The following PRSS3 variants were observed in gnomAD, a reference collection of about 807,000 sequenced individuals.
PRSS3 encodes the protein serine protease 3.
In PRSS3, 14 loss-of-function variants were observed where a neutral mutation model predicts 20.8. The ratio of observed to expected loss-of-function variants is 0.67; its 90% CI spans 0.44 to 1.05. The LOEUF (loss-of-function observed/expected upper bound fraction) is 1.05, where lower values mean the gene tolerates loss of function less well. Ranked by LOEUF, PRSS3 falls within the 50% of genes least tolerant of loss-of-function variation. PRSS3 has a pLI of 0.00. For synonymous variants in PRSS3, 91 were observed against 117.6 expected (o/e 0.77, Z 1.46); for missense variants, 237 against 306.4 (o/e 0.77, Z 1.69).
At chr9:33,771,584 C>T (rs1823693529) in intron 1 of PRSS3, among the ~76,000 whole-genome samples, 1 of 151,296 alleles carries the variant, frequency 6.6e-6, no homozygotes, top group Non-Finnish European at 1.5e-5. Flanking sequence ...GCCTCAGCCT[C>T]CCAAAGTGCT....
At chr9:33,785,733 G>A (rs142365708) in intron 1 of PRSS3, among the ~76,000 whole-genome samples, 3 of 152,188 alleles carry the variant, frequency 2.0e-5, no homozygotes, top group Admixed American at 6.5e-5. Flanking sequence ...CAAGGATGCC[G>A]TTTGTTGGGA....
chr9:33,755,425 A>C (rs1477164668), intron 1 of PRSS3, among the ~76,000 whole-genome samples: 2 of 152,108 alleles, frequency 1.3e-5, no homozygotes, highest in Admixed American at 6.6e-5. Flanking sequence ...ATAGCATGCA[A>C]ATACGGGCCA....
At chr9:33,778,619 G>A (rs566731691) in intron 1 of PRSS3, among the ~76,000 whole-genome samples, 1 of 152,124 alleles carries the variant, frequency 6.6e-6, no homozygotes, top group Non-Finnish European at 1.5e-5. Flanking sequence ...CAAAAGGCAT[G>A]CAAGACTTGT....
chr9:33,752,497 G>A lies in PRSS3; in HGVS notation c.-53+1770G>A, dbSNP rs147265154. Among the ~76,000 whole-genome samples the A allele has an allele frequency of 3.6e-3, 542 of 152,280 alleles. 4 individuals carry two copies. Among genetic ancestry groups the A allele is most frequent in the African/African-American group, 0.013 (521 of 41,546 alleles). On this transcript the variant is annotated intron_variant, in intron 1 of 5. Transcript: ENST00000342836. ...ATTAAAGTCACTAGTGTGTCAACTA[G>A]TGGTACTTATAGACACATTCCATAT...
Position 33,798,296 on chromosome 9 carries a change from A to T in PRSS3, c.455-190A>T. 3.2e-6 allele frequency: 4 copies of T among 1,246,810 alleles called. No individual in the cohort carries two copies. The South Asian group carries it at 4.4e-5, about 14-fold the overall frequency. 77.2% of individuals were successfully genotyped at this position (1,246,810 alleles called of 1,614,324 possible). On this transcript the variant is annotated intron_variant, in intron 3 of 4. Coordinates refer to ENST00000379405, the MANE Select transcript of PRSS3 (RefSeq NM_002771.4). ...TAGGACAAATGGAGAACTTGCTGTGATCACGTCTTGGGAGGGGTTCAACAA... is the reference window on the plus strand; with the variant it reads ...TAGGACAAATGGAGAACTTGCTGTGTTCACGTCTTGGGAGGGGTTCAACAA...
At chr9:33,755,564 G>A (rs533922323) in intron 1 of PRSS3, among the ~76,000 whole-genome samples, 3 of 152,022 alleles carry the variant, frequency 2.0e-5, no homozygotes, top group East Asian at 1.9e-4. Flanking sequence ...TTCCCAATAC[G>A]GTTATATCCT....
At chr9:33,768,067 A>G (rs1028373163) in intron 1 of PRSS3, among the ~76,000 whole-genome samples, 14 of 152,234 alleles carry the variant, frequency 9.2e-5, no homozygotes, top group Admixed American at 8.5e-4. Flanking sequence ...TTGGGTACCA[A>G]GAAATAGGGT....
chr9:33,782,265 G>C (rs1332637178), intron 1 of PRSS3, among the ~76,000 whole-genome samples: 1 of 152,154 alleles, frequency 6.6e-6, no homozygotes, highest in African/African-American at 2.4e-5. Flanking sequence ...GGAACAGGGG[G>C]AGTCAGTAAT....
At chr9:33,786,317 C>T in intron 1 of PRSS3, 1 of 577,412 alleles carries the variant, frequency 1.7e-6, no homozygotes, top group Non-Finnish European at 3.1e-6. Flanking sequence ...GGTGGAAAGA[C>T]TTCCTCTCCG....
At chr9:33,773,557 CAT>C (rs1361185556) in intron 1 of PRSS3, among the ~76,000 whole-genome samples, 12 of 152,188 alleles carry the variant, frequency 7.9e-5, no homozygotes, top group African/African-American at 2.9e-4. Context: ...ACACTCCCAT[CAT>C]ATCTCATGTG....
At chr9:33,795,953 G>A (rs921311905) in intron 1 of PRSS3, among the ~76,000 whole-genome samples, 13 of 152,226 alleles carry the variant, frequency 8.5e-5, no homozygotes, top group African/African-American at 2.9e-4. Context: ...TCTTAACCTC[G>A]AATGCACCTG....
chr9:33,790,256 G>A (rs975977655), intron 1 of PRSS3, among the ~76,000 whole-genome samples: 2 of 152,102 alleles, frequency 1.3e-5, no homozygotes, highest in Non-Finnish European at 2.9e-5. Flanking sequence ...ACAATATGTA[G>A]TTTTAGAATT....
At chr9:33,763,698 CAA>C (rs370849434) in intron 1 of PRSS3, among the ~76,000 whole-genome samples, 17 of 78,956 alleles carry the variant, frequency 2.2e-4, no homozygotes, top group African/African-American at 1.7e-4. Context: ...GACTCTGTCT[CAA>C]AAAAAAAAAA....
chr9:33,794,895 G>A, upstream of PRSS3: 4 of 1,550,106 alleles, frequency 2.6e-6, no homozygotes, highest in Non-Finnish European at 3.5e-6. Context: ...CCTAACCTGT[G>A]TCCCCTCCTT....
At chr9:33,796,891 A>T in intron 2 of PRSS3, 89 bp downstream of exon 2, 1 of 1,607,532 alleles carries the variant, frequency 6.2e-7, no homozygotes, top group South Asian at 1.1e-5. Context: ...AGGTTGGGTA[A>T]GACGGATGGG....
At chr9:33,796,410 G>T (rs1158734672) in intron 1 of PRSS3, among the ~76,000 whole-genome samples, 3 of 152,192 alleles carry the variant, frequency 2.0e-5, no homozygotes, top group Admixed American at 6.5e-5. Context: ...CCTCAGCCTG[G>T]TGTCCCCAGG....
upstream of PRSS3, chr9:33,794,740 G>C (rs1824819330): frequency 4.2e-5 from 65 of 1,545,556 alleles, 1 homozygote; most frequent in South Asian, 7.8e-4. Flanking sequence ...ATCACCCTAA[G>C]TGCAGGTTGC....
Position 33,799,026 on chromosome 9 carries a change from A to G in PRSS3, c.592-2A>G, listed in dbSNP as rs1162895254. On this transcript the variant is annotated splice_acceptor_variant, in intron 4 of 4. Transcript: ENST00000379405. LOFTEE classifies it high-confidence loss of function. The stretch of plus-strand genomic sequence containing the variant: ...ATACAACTTGTCCCTTCTTCTCCCC[A>G]GCGTGACTCTGGTGGCCCTGTGGTC... 2 of 1,613,974 alleles carry G rather than the reference A, an allele frequency of 1.2e-6. No homozygotes were observed. The highest frequency in any genetic ancestry group is 1.7e-6 in the Non-Finnish European group (2 of 1,179,918).
intron 1 of PRSS3, among the ~76,000 whole-genome samples, chr9:33,767,946 G>A (rs968574745): frequency 2.0e-5 from 3 of 152,198 alleles, no homozygotes; most frequent in Admixed American, 1.3e-4. Context: ...TTCTGCCAAC[G>A]CATTGGTCTC....
Sources: allele counts gnomAD v4.1 joint callset (sites outside exome capture counted in the v4.1 genomes callset), GRCh38; gene constraint gnomAD v4.1.1; transcripts MANE v1.5; gene names NCBI Gene and HGNC (gene_info 2026-07-23, HGNC 2026-07-21).